CAMK2D: variants seen among roughly 807,000 people sequenced by gnomAD.
CAMK2D encodes the protein calcium/calmodulin dependent protein kinase II delta.
In CAMK2D, 37 loss-of-function variants were observed where a neutral mutation model predicts 84.0. The ratio of observed to expected loss-of-function variants is 0.44; its 90% CI spans 0.34 to 0.58. The LOEUF is 0.58. Among genes scored for constraint, CAMK2D ranks in the 20% least tolerant of loss-of-function variants. The pLI is 0.02. For synonymous variants in CAMK2D, 202 were observed against 212.5 expected (o/e 0.95, Z 0.43); for missense variants, 448 against 652.5 (o/e 0.69, Z 3.41).
At chr4:113,642,087 A>C (rs1158265838) in intron 3 of CAMK2D, among the ~76,000 whole-genome samples, 1 of 152,144 alleles carries the variant, frequency 6.6e-6, no homozygotes. Flanking sequence ...AAAGTGGTAG[A>C]TTCCTAGAGC....
At chr4:113,484,458 C>A (rs1270070768) in intron 16 of CAMK2D, among the ~76,000 whole-genome samples, 17 of 151,992 alleles carry the variant, frequency 1.1e-4, no homozygotes. Context: ...ACATTGCAAA[C>A]ATAGTTGCAA....
intron 16 of CAMK2D, among the ~76,000 whole-genome samples, chr4:113,484,769 A>C (rs2097748990): frequency 6.6e-6 from 1 of 152,150 alleles, no homozygotes; most frequent in African/African-American, 2.4e-5. Flanking sequence ...ACAAAAGATA[A>C]GCTATTATCC....
intron 2 of CAMK2D, among the ~76,000 whole-genome samples, chr4:113,745,497 G>A (rs1016389666): frequency 6.6e-6 from 1 of 152,000 alleles, no homozygotes; most frequent in African/African-American, 2.4e-5. Flanking sequence ...AGTTTTTTGT[G>A]GGAACTGGTC....
rs1455126850 is a variant in CAMK2D, at chr4:113,509,563, G to A, written c.984+75C>T. On this transcript the variant is annotated intron_variant, in intron 13 of 20. Transcript: ENST00000511664. ...AAAAATAGAACTTGCAAAGACTTAG[G>A]AATTATATATAACATTTAAAGATTA... 5 of 953,046 alleles carry A rather than the reference G, an allele frequency of 5.2e-6. No individual in the cohort carries two copies. The African/African-American group carries it at 8.2e-5, about 16-fold the overall frequency. 59.0% of individuals were successfully genotyped at this position (953,046 alleles called of 1,614,324 possible). A position where few individuals can be genotyped will look rare whatever the true frequency, so the allele number is the denominator to read the frequency against.
At chr4:113,619,007 T>C (rs2099033610) in intron 3 of CAMK2D, among the ~76,000 whole-genome samples, 1 of 152,140 alleles carries the variant, frequency 6.6e-6, no homozygotes, top group Non-Finnish European at 1.5e-5. Context: ...ATCTCAAACG[T>C]GTGGTGCATT....
chr4:113,696,000 C>T (rs1163074983), intron 2 of CAMK2D, among the ~76,000 whole-genome samples: 2 of 152,074 alleles, frequency 1.3e-5, no homozygotes, highest in African/African-American at 2.4e-5. Flanking sequence ...GAGCATATTA[C>T]GTATGCTACT....
At chr4:113,730,283 G>A (rs2099561890) in intron 2 of CAMK2D, among the ~76,000 whole-genome samples, 1 of 152,028 alleles carries the variant, frequency 6.6e-6, no homozygotes, top group Admixed American at 6.6e-5. Context: ...CTCATTTCAT[G>A]TTCTGTTCAC....
intron 2 of CAMK2D, among the ~76,000 whole-genome samples, chr4:113,686,342 C>T (rs924363989): frequency 6.6e-6 from 1 of 152,096 alleles, no homozygotes; most frequent in African/African-American, 2.4e-5. Context: ...TGTAAAAATA[C>T]CTAAATATTG....
chr4:113,725,026 G>A (rs1162479937), intron 2 of CAMK2D, among the ~76,000 whole-genome samples: 1 of 151,764 alleles, frequency 6.6e-6, no homozygotes, highest in Non-Finnish European at 1.5e-5. Context: ...TCTCCATTCA[G>A]CGATTTAATT....
chr4:113,749,800 T>C (rs6836139), intron 2 of CAMK2D, among the ~76,000 whole-genome samples: 77,196 of 152,052 alleles, frequency 0.51, 20,264 homozygotes, highest in East Asian at 0.64. Context: ...TACAAAACTC[T>C]TTCCAATAAA....
At chr4:113,508,597 A>G (rs886479579) in intron 13 of CAMK2D, among the ~76,000 whole-genome samples, 3 of 152,250 alleles carry the variant, frequency 2.0e-5, no homozygotes, top group African/African-American at 7.2e-5. Flanking sequence ...AAATGGAATA[A>G]ACTAATCAGA....
At chr4:113,749,194 T>C (rs2149033143) in intron 2 of CAMK2D, among the ~76,000 whole-genome samples, 1 of 151,766 alleles carries the variant, frequency 6.6e-6, no homozygotes, top group African/African-American at 2.4e-5. Flanking sequence ...TTAGAATAGG[T>C]ATTAGAAATA....
intron 4 of CAMK2D, among the ~76,000 whole-genome samples, chr4:113,599,525 TA>T (rs1366208862): frequency 6.6e-6 from 1 of 152,050 alleles, no homozygotes; most frequent in Non-Finnish European, 1.5e-5. Flanking sequence ...TATAAGGCCA[TA>T]AAAAATAAAT....
chr4:113,497,096 T>C (rs561288627), intron 16 of CAMK2D, among the ~76,000 whole-genome samples: 7 of 149,748 alleles, frequency 4.7e-5, no homozygotes, highest in African/African-American at 1.7e-4. Flanking sequence ...GGTCTCACTT[T>C]TTTCCTGGGT....
intron 6 of CAMK2D, among the ~76,000 whole-genome samples, chr4:113,541,128 C>T (rs918231138): frequency 6.6e-6 from 1 of 152,130 alleles, no homozygotes; most frequent in African/African-American, 2.4e-5. Flanking sequence ...TCAAATGACT[C>T]AAAGTACATA....
intron 2 of CAMK2D, among the ~76,000 whole-genome samples, chr4:113,665,842 A>G (rs1377719114): frequency 1.3e-5 from 2 of 152,228 alleles, no homozygotes; most frequent in East Asian, 1.9e-4. Flanking sequence ...CCATATAAAC[A>G]ATGCCTTAAG....
chr4:113,645,040 G>A (rs534905637), intron 3 of CAMK2D, among the ~76,000 whole-genome samples: 2 of 151,960 alleles, frequency 1.3e-5, no homozygotes, highest in Non-Finnish European at 2.9e-5. Flanking sequence ...TTTTTGAGAC[G>A]GACTCTCGCT....
intron 2 of CAMK2D, among the ~76,000 whole-genome samples, chr4:113,697,884 A>G (rs1043324827): frequency 3.9e-5 from 6 of 152,150 alleles, no homozygotes; most frequent in African/African-American, 1.4e-4. Flanking sequence ...TTCTGCTCAC[A>G]AAACTAGCGA....
intron 2 of CAMK2D, among the ~76,000 whole-genome samples, chr4:113,751,177 A>C (rs2099616314): frequency 1.3e-5 from 2 of 152,208 alleles, no homozygotes; most frequent in Admixed American, 1.3e-4. Flanking sequence ...ACAGAGGGGG[A>C]AAGTTGATGA....
Sources: allele counts gnomAD v4.1 joint callset (sites outside exome capture counted in the v4.1 genomes callset), GRCh38; gene constraint gnomAD v4.1.1; transcripts MANE v1.5; gene names NCBI Gene and HGNC (gene_info 2026-07-23, HGNC 2026-07-21).